The following AKAP8 variants were observed in gnomAD, a reference collection of about 807,000 sequenced individuals.
The protein encoded by AKAP8 is A-kinase anchoring protein 8.
Under a neutral mutation model 67.5 loss-of-function variants are expected in AKAP8, and 24 were observed. The ratio of observed to expected loss-of-function variants is 0.36; its 90% CI spans 0.26 to 0.50. The LOEUF is 0.50. Ranked by LOEUF, AKAP8 falls within the 20% of genes least tolerant of loss-of-function variation. The pLI, the probability that AKAP8 is intolerant of heterozygous loss-of-function variation, is 0.97. For synonymous variants in AKAP8, 400 were observed against 371.1 expected (o/e 1.08, Z -0.90); for missense variants, 971 against 955.9 (o/e 1.02, Z -0.21).
chr19:15,366,891 G>A (rs1271286972), intron 9 of AKAP8, among the ~76,000 whole-genome samples: 4 of 151,218 alleles, frequency 2.6e-5, no homozygotes, highest in African/African-American at 9.7e-5. Flanking sequence ...TTACAGGCGT[G>A]AGCCACTGCC....
intron 4 of AKAP8, 182 bp downstream of exon 4, chr19:15,373,604 C>T (rs939224601): frequency 1.5e-5 from 14 of 951,766 alleles, no homozygotes; most frequent in African/African-American, 1.2e-4. Flanking sequence ...CCAAGCCCCG[C>T]CATGAAGAAA....
At chr19:15,359,314 G>A (rs779021092) in intron 12 of AKAP8, among the ~76,000 whole-genome samples, 2 of 152,200 alleles carry the variant, frequency 1.3e-5, no homozygotes, top group Non-Finnish European at 2.9e-5. Flanking sequence ...CAGAATTGGG[G>A]GTGAAACAAG....
rs1228051725 is a variant in AKAP8, at chr19:15,373,881, G to T, written c.276C>A (p.Leu92=). ...CCAAACGCTGGTTGATCTTGGCAAT[G>T]AGGGAGTCGGAATTGTCGGTGCATG... The part of the protein sequence containing the change: ...PEPCTDNSDS[L]IAKINQRLDM... The change falls in exon 4 of 14, where the codon CTC becomes CTA. Residue 92 remains leucine (L), a synonymous_variant. Transcript: ENST00000269701. The T allele has an allele frequency of 6.2e-7, 1 of 1,613,394 alleles. No homozygotes were observed. The highest frequency in any genetic ancestry group is 1.3e-5 in the African/African-American group (1 of 74,926).
Position 15,373,000 on chromosome 19 carries a change from G to T in AKAP8, c.712C>A (p.Pro238Thr), listed in dbSNP as rs1174761564. ...NYVGGRGLGG[P>T]SPSRPPPSLF... is the part of the protein sequence containing the mutation. Reference sequence around the variant, plus strand: ...GACGGAGGTGGCCGGCTGGGGGAGGGCCCTCCCAGGCCCCGTCCACCCACG... The same window carrying T: ...GACGGAGGTGGCCGGCTGGGGGAGGTCCCTCCCAGGCCCCGTCCACCCACG... The change falls in exon 5 of 14, where the codon CCC (proline) becomes ACC (threonine). Residue 238 changes from proline (P) to threonine (T), a missense_variant. Physicochemically the swap from Pro to Thr is conservative, Grantham distance 38. Transcript: ENST00000269701. The T allele has an allele frequency of 6.4e-7, 1 of 1,565,346 alleles. No individual in the cohort carries two copies.
chr19:15,372,927 T>C lies in AKAP8; in HGVS notation c.785A>G (p.Gln262Arg), dbSNP rs755451146. 2.6e-6 allele frequency: 4 copies of C among 1,528,534 alleles called. No homozygotes were observed. In the South Asian group the frequency reaches 5.2e-5, roughly 20 times the overall value. The allele number at this position is 1,528,534 out of a possible 1,614,324, so 94.7% of individuals were successfully genotyped here. A position where few individuals can be genotyped will look rare whatever the true frequency, so the allele number is the denominator to read the frequency against. Residue 262 changes from glutamine to arginine, a missense_variant, in exon 5 of 14, where the codon CAG becomes CGG. Around this residue, in one of 3 missense-constraint regions of AKAP8, gnomAD observed 763 missense variants for 745.4 expected, o/e 1.02. Transcript: ENST00000269701. ...MAPDYGVMGM[Q>R]GAGGYDSTMP... ...GGTGCTGTCATAGCCGCCCGCCCCCTGCATGCCCATCACGCCGTAGTCGGG... is the reference window on the plus strand; with the variant it reads ...GGTGCTGTCATAGCCGCCCGCCCCCCGCATGCCCATCACGCCGTAGTCGGG...
chr19:15,364,495 C>T (rs996700811), intron 9 of AKAP8, among the ~76,000 whole-genome samples: 2 of 152,004 alleles, frequency 1.3e-5, no homozygotes, highest in African/African-American at 2.4e-5. Flanking sequence ...GGATTACAGG[C>T]GCCCACCACC....
chr19:15,372,601 T>C (rs934451383), intron 5 of AKAP8, among the ~76,000 whole-genome samples: 4 of 152,078 alleles, frequency 2.6e-5, no homozygotes, highest in Non-Finnish European at 5.9e-5. Flanking sequence ...CCAGTGGTGG[T>C]TGTCGGGGGC....
At chr19:15,357,178 C>G (rs1053352872) in intron 13 of AKAP8, among the ~76,000 whole-genome samples, 1 of 151,236 alleles carries the variant, frequency 6.6e-6, no homozygotes, top group Middle Eastern at 3.2e-3. Context: ...CCAGGCTGGT[C>G]TTGAACTCCT....
At position 15,368,255 on chromosome 19, in the gene AKAP8, C is replaced by A; in HGVS notation, c.1140G>T (p.Thr380=). Residue 380 remains threonine (T), a synonymous_variant, in exon 9 of 14, where the codon ACG becomes ACT. Transcript: ENST00000269701. ...RREKQRRRDR[T]RDRAADRIQF... ...CTCACCTGTCGGCTGCACGGTCCCG[C>A]GTCCTGTCTCTTCTCCTTTGCTTTT... 6.2e-7 allele frequency: 1 copy of A among 1,612,994 alleles called. No homozygotes were observed. The highest frequency in any genetic ancestry group is 8.5e-7 in the Non-Finnish European group (1 of 1,179,956).
In AKAP8 at chr19:15,355,156, G is replaced by A. The variant is rs375883591; in HGVS notation, c.1838C>T (p.Ala613Val). Residue 613 changes from alanine to valine, a missense_variant, in exon 14 of 14, where the codon GCG becomes GTG. Ala to Val is a moderately conservative substitution (Grantham distance 64). Coordinates refer to ENST00000269701, the MANE Select transcript of AKAP8 (RefSeq NM_005858.4). ...PAEDEGPTDT[A>V]EAGSDPQAEQ... is the part of the protein sequence containing the mutation. ...GGCTTGAGGATCACTACCGGCCTCCGCTGTGTCCGTGGGGCCTTCGTCCTC... is the reference window on the plus strand; with the variant it reads ...GGCTTGAGGATCACTACCGGCCTCCACTGTGTCCGTGGGGCCTTCGTCCTC... 1.1e-5 allele frequency: 17 copies of A among 1,612,676 alleles called. No homozygotes were observed. The highest frequency in any genetic ancestry group is 3.3e-5 in the Admixed American group (2 of 59,996).
At chr19:15,371,202 C>T (rs1416323395) in intron 7 of AKAP8, among the ~76,000 whole-genome samples, 3 of 151,780 alleles carry the variant, frequency 2.0e-5, no homozygotes, top group Non-Finnish European at 4.4e-5. Context: ...AGGCCCTACA[C>T]CTCCAACTTG....
chr19:15,377,870 C>T (rs1313655436), intron 1 of AKAP8, among the ~76,000 whole-genome samples: 3 of 152,076 alleles, frequency 2.0e-5, no homozygotes, highest in African/African-American at 4.8e-5. Context: ...CCCCTCCACA[C>T]CCCCCGCCCA....
At position 15,373,096 on chromosome 19, in the gene AKAP8, G is replaced by A. The variant is rs370861200; in HGVS notation, c.616C>T (p.Arg206Cys). 72 of 1,611,992 alleles carry A rather than the reference G, an allele frequency of 4.5e-5. No individual in the cohort carries two copies. The South Asian group carries it at 6.9e-4, about 16-fold the overall frequency. ...QDRSNPGTFM[R>C]SDPFVPPAAS... ...GCGGGGGGCACGAAGGGGTCGCTGC[G>A]CATGAAGGTGCCAGGGTTGCTCCGG... The change falls in exon 5 of 14, where the codon CGC becomes TGC. Residue 206 changes from arginine (R) to cysteine (C), a missense_variant. Coordinates refer to ENST00000269701, the MANE Select transcript of AKAP8 (RefSeq NM_005858.4).
At chr19:15,374,479 G>A in intron 3 of AKAP8, 124 bp downstream of exon 3, 3 of 1,202,602 alleles carry the variant, frequency 2.5e-6, no homozygotes, top group Non-Finnish European at 3.5e-6. Flanking sequence ...AGCCGTGGCT[G>A]ACTGCGTCCT....
At chr19:15,368,404 C>G in intron 8 of AKAP8, 82 bp from the exon 9 acceptor site, 2 of 1,602,286 alleles carry the variant, frequency 1.2e-6, no homozygotes, top group Non-Finnish European at 1.7e-6. Context: ...GGGGCTGCAG[C>G]TTGGCCACCG....
At chr19:15,356,025 C>T (rs111958515) in intron 13 of AKAP8, among the ~76,000 whole-genome samples, 2,051 of 152,120 alleles carry the variant, frequency 0.013, 20 homozygotes, top group Middle Eastern at 0.071. Context: ...CACGAGCCAC[C>T]GTGCCTGGCC....
chr19:15,379,561 C>G (rs1967333674), intron 1 of AKAP8, 152 bp downstream of exon 1: 1 of 797,732 alleles, frequency 1.3e-6, no homozygotes, highest in East Asian at 3.3e-5. Flanking sequence ...GCCCAATGAG[C>G]GGCGCGCGCG....
chr19:15,363,304 G>A (rs888323002), intron 9 of AKAP8, among the ~76,000 whole-genome samples: 1 of 145,074 alleles, frequency 6.9e-6, no homozygotes, highest in Non-Finnish European at 1.5e-5. Context: ...CCCCTACTGG[G>A]AAGTGAGGAG....
chr19:15,372,463 A>T, intron 5 of AKAP8, 116 bp from the exon 6 acceptor site: 2 of 1,376,864 alleles, frequency 1.5e-6, no homozygotes, highest in Non-Finnish European at 2.0e-6. Context: ...TCTTTTCAAA[A>T]AGCAAAGAGA....
Sources: gnomAD v4.1 joint callset for allele counts (sites outside exome capture counted in the v4.1 genomes callset) on GRCh38, gnomAD v4.1.1 for gene constraint, gnomAD v4.1.1 regional missense constraint, MANE v1.5 for transcripts, NCBI Gene and HGNC (gene_info 2026-07-23, HGNC 2026-07-21) for gene names.